VAT1L: variants seen among roughly 807,000 people sequenced by gnomAD.
The protein encoded by VAT1L is putative NADPH-dependent quinone oxidoreductase VAT1L.
A neutral mutation model predicts 44.1 loss-of-function variants in VAT1L; 34 were observed. The observed-to-expected ratio is 0.77, with a 90% CI of 0.59 to 1.03. The LOEUF is 1.03. Among genes scored for constraint, VAT1L ranks in the 50% least tolerant of loss-of-function variants. VAT1L has a pLI of 0.00. For missense variants in VAT1L, 615 were observed against 538.8 expected (o/e 1.14, Z -1.40); for synonymous variants, 253 against 202.2 (o/e 1.25, Z -2.13).
At chr16:77,857,218 G>A (rs552216184) in intron 3 of VAT1L, among the ~76,000 whole-genome samples, 1 of 152,306 alleles carries the variant, frequency 6.6e-6, no homozygotes, top group Admixed American at 6.5e-5. Context: ...TTCATTTTAT[G>A]TTCTGGTTCT....
At chr16:77,833,406 G>A (rs1411567778) in intron 3 of VAT1L, among the ~76,000 whole-genome samples, 1 of 152,250 alleles carries the variant, frequency 6.6e-6, no homozygotes, top group Non-Finnish European at 1.5e-5. Context: ...ACGCTAATCT[G>A]TGGATGATAA....
intron 7 of VAT1L, among the ~76,000 whole-genome samples, chr16:77,970,527 T>C (rs988102989): frequency 6.6e-6 from 1 of 152,242 alleles, no homozygotes; most frequent in Non-Finnish European, 1.5e-5. Flanking sequence ...TAATTAGCTG[T>C]ATATATCTTT....
intron 1 of VAT1L, among the ~76,000 whole-genome samples, chr16:77,815,656 A>G (rs1389488736): frequency 4.6e-5 from 7 of 152,120 alleles, no homozygotes; most frequent in Non-Finnish European, 7.3e-5. Flanking sequence ...GGAAGAAATA[A>G]GCAAGATGTG....
rs191533459 is a variant in VAT1L, at chr16:77,830,305, G to C, written c.579+4844G>C. 9.3e-4 allele frequency among the ~76,000 whole-genome samples: 141 copies of C among 152,150 alleles called. 1 individual carries two copies. The highest frequency in any genetic ancestry group is 9.0e-3 in the Admixed American group (138 of 15,282). ...GTATTCTCTCCCAATTCAGATGTAA[G>C]CTCCTCTGGGAAGCCATACTGTCCT... On this transcript the variant is annotated intron_variant, in intron 3 of 8. Transcript: ENST00000302536.
chr16:77,930,166 A>T (rs2017713224), intron 7 of VAT1L, among the ~76,000 whole-genome samples: 1 of 152,088 alleles, frequency 6.6e-6, no homozygotes, highest in Non-Finnish European at 1.5e-5. Context: ...TCTTCCTTGG[A>T]ATGAACCACA....
intron 7 of VAT1L, among the ~76,000 whole-genome samples, chr16:77,966,239 T>A (rs2018220851): frequency 6.6e-6 from 1 of 152,204 alleles, no homozygotes; most frequent in Non-Finnish European, 1.5e-5. Flanking sequence ...TCTATTGATT[T>A]GCAATGGAGA....
chr16:77,837,885 A>G (rs1317237916), intron 3 of VAT1L, among the ~76,000 whole-genome samples: 1 of 152,166 alleles, frequency 6.6e-6, no homozygotes, highest in Non-Finnish European at 1.5e-5. Flanking sequence ...TTCCTATTAT[A>G]TCATTATTAT....
At chr16:77,790,383 G>T (rs1189176011) in intron 1 of VAT1L, among the ~76,000 whole-genome samples, 2 of 152,122 alleles carry the variant, frequency 1.3e-5, no homozygotes, top group Admixed American at 1.3e-4. Flanking sequence ...CCCTTTCGCA[G>T]CTAAATCCCC....
chr16:77,788,871 G>T lies in VAT1L; in HGVS notation c.189G>T (p.Met63Ile), dbSNP rs1319612414. 6.4e-7 allele frequency: 1 copy of T among 1,566,052 alleles called. No homozygotes were observed. Among genetic ancestry groups the T allele is most frequent in the South Asian group, 1.2e-5 (1 of 84,422 alleles). ...AGCTGCGGCTCTTCAGGAAGGCCAT[G>T]CCCGAGCCTCAGGACGGCGAGCTCA... ...LNKLRLFRKAMPEPQDGELKI... is the reference protein window; with the variant it reads ...LNKLRLFRKAIPEPQDGELKI... The change falls in exon 1 of 9, where the codon ATG becomes ATT. Residue 63 changes from methionine to isoleucine, a missense_variant. Physicochemically the swap from Met to Ile is conservative, Grantham distance 10. Coordinates refer to ENST00000302536, the MANE Select transcript of VAT1L (RefSeq NM_020927.3).
At chr16:77,889,372 A>G (rs2017240346) in intron 7 of VAT1L, among the ~76,000 whole-genome samples, 1 of 152,204 alleles carries the variant, frequency 6.6e-6, no homozygotes, top group Non-Finnish European at 1.5e-5. Context: ...GTGCAGCTGT[A>G]CGTTAAGTTG....
At chr16:77,945,797 C>CT (rs58436423) in intron 7 of VAT1L, among the ~76,000 whole-genome samples, 35,546 of 141,058 alleles carry the variant, frequency 0.25, 4,555 homozygotes, top group Middle Eastern at 0.33. Context: ...AGTGGCTTGA[C>CT]TTTTTTTTTT....
intron 1 of VAT1L, among the ~76,000 whole-genome samples, chr16:77,803,879 C>A (rs1298032805): frequency 6.6e-6 from 1 of 152,156 alleles, no homozygotes; most frequent in African/African-American, 2.4e-5. Context: ...TGAGATGGGG[C>A]TGGAGAGGCT....
chr16:77,789,103 A>G (rs1040954895), intron 1 of VAT1L, among the ~76,000 whole-genome samples, 188 bp downstream of exon 1: 3 of 152,072 alleles, frequency 2.0e-5, no homozygotes, highest in Non-Finnish European at 4.4e-5. Context: ...GGCCTCCCCA[A>G]GCCAGATCTA....
chr16:77,853,461 A>C (rs2016826718), intron 3 of VAT1L, among the ~76,000 whole-genome samples: 1 of 152,202 alleles, frequency 6.6e-6, no homozygotes, highest in South Asian at 2.1e-4. Context: ...ACGAATAGTC[A>C]GGCCACATCC....
At chr16:77,927,475 C>T (rs908219612) in intron 7 of VAT1L, among the ~76,000 whole-genome samples, 5 of 152,164 alleles carry the variant, frequency 3.3e-5, no homozygotes, top group African/African-American at 1.2e-4. Flanking sequence ...GATCCATCTC[C>T]AGAATCTGCA....
intron 3 of VAT1L, among the ~76,000 whole-genome samples, chr16:77,841,697 A>G (rs975353842): frequency 2.0e-5 from 3 of 152,134 alleles, no homozygotes; most frequent in Non-Finnish European, 4.4e-5. Flanking sequence ...GGCTTCCTAC[A>G]TGATTGAAAA....
rs774806711 is a variant in VAT1L, at chr16:77,876,373, C to A, written c.726C>A (p.Ile242=). 13 of 1,614,014 alleles carry A rather than the reference C, an allele frequency of 8.1e-6. No homozygotes were observed. The Admixed American group carries it at 2.2e-4, about 27-fold the overall frequency. ...GCTTTGCCTTCTCACCATTTAGAAT[C>A]TCTGCTGAAGGTGTGGACATCGTTT... ...NADYVQEVKR[I]SAEGVDIVLD... The change falls in exon 5 of 9, where the codon ATC becomes ATA. Residue 242 remains isoleucine, a synonymous_variant. Coordinates refer to ENST00000302536, the MANE Select transcript of VAT1L (RefSeq NM_020927.3).
At chr16:77,946,978 T>C (rs2017976274) in intron 7 of VAT1L, among the ~76,000 whole-genome samples, 1 of 152,176 alleles carries the variant, frequency 6.6e-6, no homozygotes, top group Admixed American at 6.5e-5. Flanking sequence ...TAATTCCCTG[T>C]CTGTTGAGCC....
At chr16:77,799,352 C>G (rs1425527049) in intron 1 of VAT1L, among the ~76,000 whole-genome samples, 1 of 150,548 alleles carries the variant, frequency 6.6e-6, no homozygotes, top group African/African-American at 2.4e-5. Context: ...TTCTCCATCT[C>G]TTTTCCTCTC....
Sources: gnomAD v4.1 joint callset for allele counts (sites outside exome capture counted in the v4.1 genomes callset) on GRCh38, gnomAD v4.1.1 for gene constraint, MANE v1.5 for transcripts, NCBI Gene and HGNC (gene_info 2026-07-23, HGNC 2026-07-21) for gene names.